SNX11: variants seen among roughly 807,000 people sequenced by gnomAD.
SNX11 encodes sorting nexin-11.
A neutral mutation model predicts 30.7 loss-of-function variants in SNX11; 19 were observed. That is an observed-to-expected ratio of 0.62 (90% CI 0.43 to 0.91). SNX11 has a LOEUF of 0.91. Ranked by LOEUF, SNX11 falls within the 40% of genes least tolerant of loss-of-function variation. The pLI is 0.00. For synonymous variants in SNX11, 112 were observed against 119.0 expected (o/e 0.94, Z 0.38); for missense variants, 302 against 326.7 (o/e 0.92, Z 0.58).
In SNX11 at chr17:48,118,993, C is replaced by T; in HGVS notation, c.346C>T (p.Leu116Phe). 6.2e-7 allele frequency: 1 copy of T among 1,613,988 alleles called. No individual in the cohort carries two copies. Among genetic ancestry groups the T allele is most frequent in the Non-Finnish European group, 8.5e-7 (1 of 1,179,986 alleles). The change falls in exon 6 of 7, where the codon CTC (leucine) becomes TTC (phenylalanine). Residue 116 changes from leucine to phenylalanine, a missense_variant. Physicochemically the swap from Leu to Phe is conservative, Grantham distance 22. Transcript: ENST00000359238. The stretch of plus-strand genomic sequence containing the variant: ...TCCCAGGGTCCTGCAGAGTGTGGTT[C>T]TCCTGTCAGACAGCCAGTTGCACCT... ...FLEKVLQSVV[L>F]LSDSQLHLFL... is the part of the protein sequence containing the mutation.
At chr17:48,114,500 C>T (rs2063524484) in intron 4 of SNX11, among the ~76,000 whole-genome samples, 1 of 145,660 alleles carries the variant, frequency 6.9e-6, no homozygotes, top group African/African-American at 2.6e-5. Context: ...CTCTGTCGCC[C>T]AGGCTGGAGT....
chr17:48,111,462 A>G (rs2063491684), intron 1 of SNX11, among the ~76,000 whole-genome samples: 1 of 152,130 alleles, frequency 6.6e-6, no homozygotes, highest in Non-Finnish European at 1.5e-5. Flanking sequence ...AGCCTGACCA[A>G]CATGGAGAAA....
In SNX11 at chr17:48,121,491, A is replaced by G; in HGVS notation, c.796A>G (p.Thr266Ala). 6.2e-7 allele frequency: 1 copy of G among 1,613,522 alleles called. No individual in the cohort carries two copies. Among genetic ancestry groups the G allele is most frequent in the Non-Finnish European group, 8.5e-7 (1 of 1,179,976 alleles). ...AVPLDPGQLETVLEK is the reference protein window; with the variant it reads ...AVPLDPGQLEAVLEK ...GCCTTTGGACCCTGGTCAGTTAGAA[A>G]CAGTTTTGGAAAAGTGAGCTCTGGG... is the stretch of plus-strand genomic sequence containing the variant. The change falls in exon 7 of 7, where the codon ACA (threonine) becomes GCA (alanine). Residue 266 changes from threonine (T) to alanine (A), a missense_variant. By Grantham distance (58) the Thr-to-Ala change is moderately conservative. Coordinates refer to ENST00000359238, the MANE Select transcript of SNX11 (RefSeq NM_013323.3).
intron 4 of SNX11, among the ~76,000 whole-genome samples, chr17:48,116,866 T>TC (rs1279426422): frequency 1.2e-5 from 1 of 82,930 alleles, no homozygotes; most frequent in Non-Finnish European, 2.7e-5. Context: ...GCGCCCGGCC[T>TC]TTTTTTTTTT....
chr17:48,112,555 G>C lies in SNX11; in HGVS notation c.43-19G>C, dbSNP rs2063501852. 1 of 1,576,044 alleles carries C rather than the reference G, an allele frequency of 6.3e-7. No homozygotes were observed. Among genetic ancestry groups the C allele is most frequent in the Non-Finnish European group, 8.7e-7 (1 of 1,148,076 alleles). On this transcript the variant is annotated intron_variant, in intron 2 of 6. Transcript: ENST00000359238. ...CCTTGCTGTGTAGCTGAAGCTGAGG[G>C]AGCTTTTCTTACCTACAGGAGGTGA...
chr17:48,110,967 TG>T (rs757213566), intron 1 of SNX11: 1 of 332,804 alleles, frequency 3.0e-6, no homozygotes, highest in Non-Finnish European at 4.3e-6. Context: ...CTTGTCGGAG[TG>T]GGTGATGTCG....
At chr17:48,113,076 G>T (rs2063507323) in intron 3 of SNX11, among the ~76,000 whole-genome samples, 1 of 152,054 alleles carries the variant, frequency 6.6e-6, no homozygotes, top group African/African-American at 2.4e-5. Flanking sequence ...GTGGACCCGA[G>T]ACAGAAGACT....
Position 48,121,374 on chromosome 17 carries a change from TC to T in SNX11, c.681del (p.Ser228HisfsTer20). ...GGAAAGTCCCACTCTCCCACCCCTC[TC>T]CTCACCATTATGCTGTGATTTTGGA... is the stretch of plus-strand genomic sequence containing the variant. ...SLESPTLPPL[S>X]SPLCCDFGRP... On this transcript the variant is annotated frameshift_variant, in exon 7 of 7. Transcript: ENST00000359238. LOFTEE classifies it low-confidence loss of function (END_TRUNC). The T allele has an allele frequency of 6.2e-7, 1 of 1,614,154 alleles. No individual in the cohort carries two copies. The highest frequency in any genetic ancestry group is 8.5e-7 in the Non-Finnish European group (1 of 1,180,038).
intron 4 of SNX11, among the ~76,000 whole-genome samples, 156 bp from the exon 5 acceptor site, chr17:48,118,548 A>G (rs1317959016): frequency 1.3e-5 from 2 of 150,024 alleles, no homozygotes; most frequent in Admixed American, 6.8e-5. Context: ...ACTGCACTTC[A>G]GCCTGGGCGA....
At chr17:48,114,600 G>A (rs983507717) in intron 4 of SNX11, among the ~76,000 whole-genome samples, 1 of 151,650 alleles carries the variant, frequency 6.6e-6, no homozygotes, top group African/African-American at 2.4e-5. Flanking sequence ...GGAATTACAG[G>A]GGGTTACCAC....
Position 48,121,580 on chromosome 17 carries a change from A to C in SNX11, c.*72A>C. 6.5e-7 allele frequency: 1 copy of C among 1,530,380 alleles called. No individual in the cohort carries two copies. The highest frequency in any genetic ancestry group is 8.9e-7 in the Non-Finnish European group (1 of 1,123,880). The allele number at this position is 1,530,380 out of a possible 1,614,324, so 94.8% of individuals were successfully genotyped here. On this transcript the variant is annotated 3_prime_UTR_variant, in exon 7 of 7. Coordinates refer to ENST00000359238, the MANE Select transcript of SNX11 (RefSeq NM_013323.3). ...GACTTACTCAGGTGGGACTGGGCAC[A>C]GGGCAGGTATGTGGGAGGCTGGGCT... is the stretch of plus-strand genomic sequence containing the variant.
Position 48,121,947 on chromosome 17 carries a change from C to A in SNX11, c.*439C>A, listed in dbSNP as rs368326597. 1 of 160,376 alleles carries A rather than the reference C, an allele frequency of 6.2e-6. No homozygotes were observed. The highest frequency in any genetic ancestry group is 2.4e-5 in the African/African-American group (1 of 41,488). The allele number at this position is 160,376 out of a possible 1,614,324, so 9.9% of individuals were successfully genotyped here. A position where few individuals can be genotyped will look rare whatever the true frequency, so the allele number is the denominator to read the frequency against. On this transcript the variant is annotated 3_prime_UTR_variant, in exon 7 of 7. Transcript: ENST00000359238. ...TTCAGTTTTTGCTGTAGCCCTAGAGCACTTTGTTTGTGGGAGGCTGGCCTC... is the reference window on the plus strand; with the variant it reads ...TTCAGTTTTTGCTGTAGCCCTAGAGAACTTTGTTTGTGGGAGGCTGGCCTC...
At chr17:48,116,722 C>T (rs2063549168) in intron 4 of SNX11, among the ~76,000 whole-genome samples, 2 of 151,890 alleles carry the variant, frequency 1.3e-5, no homozygotes, top group Non-Finnish European at 2.9e-5. Flanking sequence ...TGTACACCAC[C>T]ACGGCTGGCT....
intron 3 of SNX11, 122 bp from the exon 4 acceptor site, chr17:48,113,179 A>G: frequency 1.3e-6 from 1 of 745,058 alleles, no homozygotes. Context: ...CTAGTTGGGG[A>G]CCTGATCAGG....
rs141544964 is a variant in SNX11, at chr17:48,118,933, C to T, written c.327-41C>T. 26 of 1,596,056 alleles carry T rather than the reference C, an allele frequency of 1.6e-5. No homozygotes were observed. The East Asian group carries it at 2.5e-4, about 15-fold the overall frequency. ...GGATGGGGAATGGAGAGCAGTTCCT[C>T]AGGGTGATGCTCTGTGTTGTGCTAC... On this transcript the variant is annotated intron_variant, in intron 5 of 6. Transcript: ENST00000359238.
At position 48,122,545 on chromosome 17, in the gene SNX11, C is replaced by T. The variant is rs939713847; in HGVS notation, c.*1037C>T. 2.6e-5 allele frequency: 4 copies of T among 152,276 alleles called. No individual in the cohort carries two copies. The highest frequency in any genetic ancestry group is 4.8e-5 in the African/African-American group (2 of 41,408). 9.4% of individuals were successfully genotyped at this position (152,276 alleles called of 1,614,324 possible). ...ACTGAGAGCCAGAGCTGGTAGGAGC[C>T]GAGTGCCACAGGCATTCTGCATTGC... On this transcript the variant is annotated 3_prime_UTR_variant, in exon 7 of 7. Transcript: ENST00000359238.
chr17:48,111,011 CAG>C (rs536282241), intron 1 of SNX11: 3 of 853,156 alleles, frequency 3.5e-6, no homozygotes, highest in South Asian at 5.4e-5. Context: ...TGGGGAAAAT[CAG>C]GGGCTGAGGC....
At position 48,109,583 on chromosome 17, in the gene SNX11, G is replaced by GTT. The variant is rs11397962; in HGVS notation, c.-14+1755_-14+1756dup. ...CATCTGGAGGTTTTTTGTTTTTTGT[G>GTT]TTTTTTTTTTTGACAACGGAGTCTT... is the stretch of plus-strand genomic sequence containing the variant. On this transcript the variant is annotated intron_variant, in intron 1 of 6. Transcript: ENST00000359238. Among the ~76,000 whole-genome samples, 166 of 142,080 alleles carry GTT rather than the reference G, an allele frequency of 1.2e-3. 1 individual carries two copies. The highest frequency in any genetic ancestry group is 1.8e-3 in the Non-Finnish European group (115 of 65,042). The allele number at this position is 142,080 out of a possible 152,430, so 93.2% of individuals were successfully genotyped here. A position where few individuals can be genotyped will look rare whatever the true frequency, so the allele number is the denominator to read the frequency against.
chr17:48,121,095 C>T (rs1336691207), intron 6 of SNX11, 140 bp from the exon 7 acceptor site: 2 of 844,894 alleles, frequency 2.4e-6, no homozygotes, highest in East Asian at 2.5e-5. Context: ...AAGCAATCTT[C>T]TGGCCTCAGC....
Sources: gnomAD v4.1 joint callset for allele counts (sites outside exome capture counted in the v4.1 genomes callset) on GRCh38, gnomAD v4.1.1 for gene constraint, MANE v1.5 for transcripts, NCBI Gene and HGNC (gene_info 2026-07-23, HGNC 2026-07-21) for gene names.